The following CREB3L1 variants were observed in gnomAD, a reference collection of about 807,000 sequenced individuals.
CREB3L1 encodes cyclic AMP-responsive element-binding protein 3-like protein 1.
In CREB3L1, 33 loss-of-function variants were observed where a neutral mutation model predicts 54.5. The observed-to-expected ratio is 0.61, with a 90% confidence interval of 0.46 to 0.81. The LOEUF (loss-of-function observed/expected upper bound fraction) is 0.81. CREB3L1 is among the 30% of genes least tolerant of loss of function. CREB3L1 has a pLI of 0.00. For missense variants in CREB3L1, 656 were observed against 673.3 expected (o/e 0.97, Z 0.29); for synonymous variants, 284 against 286.4 (o/e 0.99, Z 0.08).
intron 1 of CREB3L1, among the ~76,000 whole-genome samples, chr11:46,281,789 C>T (rs1431268142): frequency 6.6e-6 from 1 of 152,102 alleles, no homozygotes; most frequent in Non-Finnish European, 1.5e-5. Flanking sequence ...GTGGGTGGGC[C>T]TTTAACAGTC....
chr11:46,316,475 C>T (rs1211656578), intron 9 of CREB3L1, 90 bp downstream of exon 9: 9 of 848,782 alleles, frequency 1.1e-5, no homozygotes, highest in African/African-American at 8.5e-5. Context: ...CTTTAAGGAT[C>T]GGTAACATCG....
At chr11:46,316,503 T>C (rs1939569836) in intron 9 of CREB3L1, 118 bp downstream of exon 9, 1 of 676,588 alleles carries the variant, frequency 1.5e-6, no homozygotes, top group Admixed American at 2.7e-5. Flanking sequence ...CGTCCCAGGG[T>C]ACACCATCCT....
At chr11:46,301,001 T>A (rs1939291431) in intron 2 of CREB3L1, among the ~76,000 whole-genome samples, 1 of 84,728 alleles carries the variant, frequency 1.2e-5, no homozygotes, top group African/African-American at 5.0e-5. Flanking sequence ...CGAGACTCCA[T>A]CTCAAAAAAA....
At chr11:46,281,623 G>A (rs1442983161) in intron 1 of CREB3L1, among the ~76,000 whole-genome samples, 1 of 152,198 alleles carries the variant, frequency 6.6e-6, no homozygotes, top group African/African-American at 2.4e-5. Flanking sequence ...CCAGCATTGC[G>A]GGGAGGCGGT....
chr11:46,289,871 C>T (rs990125207), intron 1 of CREB3L1, among the ~76,000 whole-genome samples: 2 of 152,158 alleles, frequency 1.3e-5, no homozygotes, highest in African/African-American at 2.4e-5. Context: ...TTCTGGGTTG[C>T]ACCAGGTGAT....
At chr11:46,294,881 G>C (rs984085257) in intron 1 of CREB3L1, among the ~76,000 whole-genome samples, 5 of 151,922 alleles carry the variant, frequency 3.3e-5, no homozygotes, top group African/African-American at 1.2e-4. Flanking sequence ...CCCAGCCTGC[G>C]GGGGGAAAGA....
intron 1 of CREB3L1, among the ~76,000 whole-genome samples, chr11:46,297,586 TG>T (rs1939232125): frequency 6.6e-6 from 1 of 150,996 alleles, no homozygotes; most frequent in African/African-American, 2.4e-5. Context: ...AATATGCATT[TG>T]TCTTGTCTCA....
intron 2 of CREB3L1, among the ~76,000 whole-genome samples, chr11:46,303,828 C>T (rs569551191): frequency 1.3e-5 from 2 of 151,830 alleles, no homozygotes; most frequent in Non-Finnish European, 2.9e-5. Flanking sequence ...TAGCAAAACA[C>T]CTTCTCCACA....
intron 8 of CREB3L1, among the ~76,000 whole-genome samples, chr11:46,314,794 G>A (rs868858819): frequency 1.3e-5 from 2 of 150,266 alleles, no homozygotes; most frequent in Non-Finnish European, 3.0e-5. Flanking sequence ...TGCAACCTCC[G>A]CCTCTTGGGT....
chr11:46,307,382 G>A (rs766232904), intron 2 of CREB3L1, among the ~76,000 whole-genome samples: 3 of 152,168 alleles, frequency 2.0e-5, no homozygotes, highest in Non-Finnish European at 4.4e-5. Flanking sequence ...GAGCCACGGC[G>A]CTCAGCCTGA....
intron 2 of CREB3L1, among the ~76,000 whole-genome samples, chr11:46,300,376 C>T (rs1939278740): frequency 6.6e-6 from 1 of 152,218 alleles, no homozygotes; most frequent in East Asian, 1.9e-4. Context: ...TTTTTGCTGA[C>T]TTAAGTCAGT....
chr11:46,295,884 G>A lies in CREB3L1; in HGVS notation c.103-4051G>A, dbSNP rs1414991453. ...CAGGTCTGCAAGCAGGAGAGCTCGG[G>A]AACCTCTCCTCCAAGGGAGGGAAGC... On this transcript the variant is annotated intron_variant, in intron 1 of 11. Transcript: ENST00000621158. This position sits in a 1 kb window ranked among gnomAD's most constrained non-coding sequence, Gnocchi z 4.6. Among the ~76,000 whole-genome samples, 1 of 152,232 alleles carries A rather than the reference G, an allele frequency of 6.6e-6. No homozygotes were observed. Among genetic ancestry groups the A allele is most frequent in the Non-Finnish European group, 1.5e-5 (1 of 68,042 alleles).
intron 2 of CREB3L1, among the ~76,000 whole-genome samples, chr11:46,305,688 A>ATGTGTG (rs1277805429): frequency 5.6e-5 from 4 of 71,850 alleles, no homozygotes; most frequent in Non-Finnish European, 1.0e-4. Flanking sequence ...GTGTGTGTAT[A>ATGTGTG]TATGTGTGTG....
At chr11:46,285,482 C>T (rs1022325362) in intron 1 of CREB3L1, among the ~76,000 whole-genome samples, 1 of 152,140 alleles carries the variant, frequency 6.6e-6, no homozygotes, top group Non-Finnish European at 1.5e-5. Flanking sequence ...CTGGGAGAGG[C>T]AGGAAATGCC....
In CREB3L1 at chr11:46,277,722, G is replaced by T. The variant is rs1316988482; in HGVS notation, c.-390G>T. 2 of 216,844 alleles carry T rather than the reference G, an allele frequency of 9.2e-6. No homozygotes were observed. Among genetic ancestry groups the T allele is most frequent in the African/African-American group, 4.5e-5 (2 of 44,190 alleles). 13.4% of individuals were successfully genotyped at this position (216,844 alleles called of 1,614,324 possible). On this transcript the variant is annotated 5_prime_UTR_variant, in exon 1 of 12. Coordinates refer to ENST00000621158, the MANE Select transcript of CREB3L1 (RefSeq NM_052854.4). ...CGCAGAGACAGAGGAGAGGCCGGCA[G>T]CCACCCAGTCTCGGGGGAGCACTTA...
At chr11:46,319,340 C>T (rs1342020223) in intron 10 of CREB3L1, among the ~76,000 whole-genome samples, 1 of 152,200 alleles carries the variant, frequency 6.6e-6, no homozygotes, top group Admixed American at 6.5e-5. Context: ...GGTTCGCATC[C>T]TCCCTTCAGG....
rs1032654842 is a variant in CREB3L1 at position 46,278,012 on chromosome 11, C to T, written c.-100C>T. On this transcript the variant is annotated 5_prime_UTR_variant, in exon 1 of 12. Transcript: ENST00000621158. This position sits in a 1 kb window ranked among gnomAD's most constrained non-coding sequence, Gnocchi z 4.2. The stretch of plus-strand genomic sequence containing the variant: ...GGGGCTTCGCCCCGGACCTGCCCCC[C>T]GCCCGTTTGCCAGCGCTCAGGCAGG... 7 of 574,810 alleles carry T rather than the reference C, an allele frequency of 1.2e-5. No homozygotes were observed. In the Admixed American group the frequency reaches 1.3e-4, roughly 10 times the overall value. The allele number at this position is 574,810 out of a possible 1,614,324, so 35.6% of individuals were successfully genotyped here. A position where few individuals can be genotyped will look rare whatever the true frequency, so the allele number is the denominator to read the frequency against.
At chr11:46,302,869 T>C (rs559311945) in intron 2 of CREB3L1, among the ~76,000 whole-genome samples, 1 of 152,204 alleles carries the variant, frequency 6.6e-6, no homozygotes, top group South Asian at 2.1e-4. Flanking sequence ...TAATTCCAGT[T>C]ACTCAGGAGG....
In CREB3L1 at chr11:46,278,549, C is replaced by T; in HGVS notation, c.102+336C>T. On this transcript the variant is annotated intron_variant, in intron 1 of 11. Transcript: ENST00000621158. The surrounding 1 kb of genome is among the most constrained non-coding windows in gnomAD (Gnocchi z 4.2). ...CCCCAGGTTCCAGGACCAGACTGGG[C>T]GCAAAGTGGCAGCGCCCTTTCCTGC... Among the ~76,000 whole-genome samples, 1 of 152,208 alleles carries T rather than the reference C, an allele frequency of 6.6e-6. No homozygotes were observed. The highest frequency in any genetic ancestry group is 1.9e-4 in the East Asian group (1 of 5,186).
Sources: gnomAD v4.1 joint callset for allele counts (sites outside exome capture counted in the v4.1 genomes callset) on GRCh38, gnomAD v4.1.1 for gene constraint, Gnocchi (gnomAD v3.1) non-coding constraint, MANE v1.5 for transcripts, NCBI Gene and HGNC (gene_info 2026-07-23, HGNC 2026-07-21) for gene names.